RP1: variants seen among roughly 807,000 people sequenced by gnomAD.
The protein encoded by RP1 is RP1 axonemal microtubule associated, also known as oxygen-regulated protein 1.
In RP1, 16 loss-of-function variants were observed where a neutral mutation model predicts 14.8. That is an observed-to-expected ratio of 1.08 (90% confidence interval 0.73 to 1.65). The LOEUF (loss-of-function observed/expected upper bound fraction) is 1.65. Among genes scored for constraint, RP1 ranks in the 40% most tolerant of loss-of-function variants. The pLI is 0.00. For missense variants in RP1, 2,631 were observed against 2,535.0 expected (o/e 1.04, Z -0.81); for synonymous variants, 876 against 883.6 (o/e 0.99, Z 0.15).
chr8:54,799,443 C>T (rs1402222858), intron 24 of RP1, among the ~76,000 whole-genome samples: 3 of 151,922 alleles, frequency 2.0e-5, no homozygotes, highest in Admixed American at 6.6e-5. Flanking sequence ...TCCTACCTGG[C>T]AGCCTGTCAT....
At chr8:54,652,733 G>A (rs1806680765) in intron 4 of RP1, 1 of 1,352,932 alleles carries the variant, frequency 7.4e-7, no homozygotes. Context: ...GTTTTTAAGT[G>A]AATTTTGTGA....
intron 14 of RP1, among the ~76,000 whole-genome samples, chr8:54,702,216 C>T (rs1010173263): frequency 4.6e-5 from 7 of 152,016 alleles, no homozygotes; most frequent in Non-Finnish European, 7.4e-5. Context: ...ATTTGAAACG[C>T]GAAGGAAAAG....
chr8:54,602,654 CA>C (rs1260060487), intron 1 of RP1, among the ~76,000 whole-genome samples: 2 of 152,226 alleles, frequency 1.3e-5, no homozygotes, highest in African/African-American at 4.8e-5. Context: ...GTCCCAGTAA[CA>C]GTGTAAAAGT....
chr8:54,864,631 T>C (rs1585758523), intron 27 of RP1, among the ~76,000 whole-genome samples: 1 of 152,302 alleles, frequency 6.6e-6, no homozygotes. Flanking sequence ...GGTTCCACAC[T>C]AATGTGCAGA....
chr8:54,651,457 T>G (rs558856937), intron 4 of RP1, among the ~76,000 whole-genome samples: 1 of 152,274 alleles, frequency 6.6e-6, no homozygotes, highest in East Asian at 1.9e-4. Context: ...TTTATAGGTC[T>G]ATTCATATTT....
intron 23 of RP1, among the ~76,000 whole-genome samples, chr8:54,780,112 T>G (rs888907856): frequency 9.9e-5 from 15 of 152,232 alleles, no homozygotes; most frequent in Non-Finnish European, 1.8e-4. Flanking sequence ...TGGGTTAGGC[T>G]TTTCAGGCCA....
intron 1 of RP1, among the ~76,000 whole-genome samples, chr8:54,577,760 C>T (rs1165746248): frequency 3.9e-5 from 6 of 152,126 alleles, no homozygotes; most frequent in Admixed American, 6.5e-5. Context: ...CTACCCCTCA[C>T]GGAGCTGGAA....
chr8:54,834,972 G>GCACAA (rs1191235172), intron 24 of RP1, among the ~76,000 whole-genome samples: 5 of 152,082 alleles, frequency 3.3e-5, no homozygotes, highest in Admixed American at 3.3e-4. Flanking sequence ...TACAGACTTT[G>GCACAA]CACAACATGA....
intron 9 of RP1, among the ~76,000 whole-genome samples, chr8:54,679,068 C>T (rs555314961): frequency 3.3e-5 from 5 of 151,964 alleles, no homozygotes; most frequent in African/African-American, 7.2e-5. Context: ...TATGAAATAA[C>T]TGATTAGGGT....
chr8:54,755,347 T>C (rs2129367174), intron 20 of RP1, among the ~76,000 whole-genome samples: 1 of 152,350 alleles, frequency 6.6e-6, no homozygotes, highest in Middle Eastern at 3.4e-3. Context: ...TCTTATGTCA[T>C]ACATAGAAGA....
intron 3 of RP1, among the ~76,000 whole-genome samples, chr8:54,647,672 C>T (rs904535281): frequency 1.3e-5 from 2 of 151,888 alleles, no homozygotes; most frequent in African/African-American, 4.8e-5. Context: ...TTTCTCATTA[C>T]TTCACTTTTG....
intron 24 of RP1, among the ~76,000 whole-genome samples, chr8:54,819,845 A>G (rs1282668772): frequency 6.6e-6 from 1 of 152,162 alleles, no homozygotes; most frequent in East Asian, 1.9e-4. Context: ...CTCTCTCTCC[A>G]TGAAGGGCTG....
intron 24 of RP1, among the ~76,000 whole-genome samples, chr8:54,792,642 CA>C (rs1810493373): frequency 6.6e-6 from 1 of 151,698 alleles, no homozygotes; most frequent in Non-Finnish European, 1.5e-5. Context: ...TAACTTGAGA[CA>C]AACACAAATG....
At chr8:54,736,308 A>G (rs1808918795) in intron 18 of RP1, among the ~76,000 whole-genome samples, 1 of 152,188 alleles carries the variant, frequency 6.6e-6, no homozygotes, top group Non-Finnish European at 1.5e-5. Context: ...TTAAAAAAGG[A>G]ATCCTATTGA....
At chr8:54,660,671 C>G (rs149282649) in intron 6 of RP1, among the ~76,000 whole-genome samples, 1 of 151,894 alleles carries the variant, frequency 6.6e-6, no homozygotes, top group Non-Finnish European at 1.5e-5. Context: ...TTCTGGGGTT[C>G]TCACAAAGGC....
intron 15 of RP1, among the ~76,000 whole-genome samples, chr8:54,718,207 T>C (rs1333960114): frequency 1.3e-5 from 2 of 152,156 alleles, no homozygotes; most frequent in Non-Finnish European, 2.9e-5. Context: ...TTTGTGGCTA[T>C]CTATAAGCTG....
intron 12 of RP1, among the ~76,000 whole-genome samples, chr8:54,683,486 C>A: frequency 6.6e-6 from 1 of 152,146 alleles, no homozygotes; most frequent in South Asian, 2.1e-4. Context: ...CCTTGAGCAG[C>A]AGTTTGCAGT....
At chr8:54,765,774 C>T (rs567592011) in intron 22 of RP1, among the ~76,000 whole-genome samples, 16 of 152,304 alleles carry the variant, frequency 1.1e-4, no homozygotes, top group African/African-American at 3.4e-4. Flanking sequence ...CTTGCCCAGA[C>T]AGAAGTGTGT....
rs377130833 is a variant in RP1 at position 54,624,801 on chromosome 8, T to C, written c.919T>C (p.Ser307Pro). 2.2e-5 allele frequency: 36 copies of C among 1,613,894 alleles called. No homozygotes were observed. The highest frequency in any genetic ancestry group is 1.7e-5 in the Admixed American group (1 of 59,990). Residue 307 changes from serine (S) to proline (P), a missense_variant, in exon 4 of 4, where the codon TCT becomes CCT. Physicochemically the swap from Ser to Pro is moderately conservative, Grantham distance 74. Coordinates refer to ENST00000220676, the MANE Select transcript of RP1 (RefSeq NM_006269.2). ...GTACTTGGCCTTAGAAAAGAATGAT[T>C]CTCAGAATTTACCAATATATCCTTC... ...EKYLALEKNDSQNLPIYPSED... is the reference protein window; with the variant it reads ...EKYLALEKNDPQNLPIYPSED...
Sources: allele counts gnomAD v4.1 joint callset (sites outside exome capture counted in the v4.1 genomes callset), GRCh38; gene constraint gnomAD v4.1.1; transcripts MANE v1.5; gene names NCBI Gene and HGNC (gene_info 2026-07-23, HGNC 2026-07-21).